TPST1: variants seen among roughly 807,000 people sequenced by gnomAD.
TPST1 encodes tyrosylprotein sulfotransferase 1.
In TPST1, 20 loss-of-function variants were observed where a neutral mutation model predicts 34.8. The observed-to-expected ratio is 0.57, with a 90% CI of 0.40 to 0.84. The LOEUF (loss-of-function observed/expected upper bound fraction) is 0.84. Among genes scored for constraint, TPST1 ranks in the 40% least tolerant of loss-of-function variants. The probability of loss-of-function intolerance (pLI) is 0.00; values close to 1 mark genes in which losing one functional copy is unlikely to be tolerated. For missense variants in TPST1, 353 were observed against 455.5 expected (o/e 0.78, Z 2.05); for synonymous variants, 152 against 159.4 (o/e 0.95, Z 0.35).
At chr7:66,352,637 T>C (rs895969407) in intron 4 of TPST1, 82 bp downstream of exon 4, 1 of 1,569,100 alleles carries the variant, frequency 6.4e-7, no homozygotes, top group African/African-American at 1.4e-5. Context: ...ATAATGAAAT[T>C]AAAAAGACAG....
chr7:66,252,063 T>G (rs915540898), intron 2 of TPST1, among the ~76,000 whole-genome samples: 5 of 152,182 alleles, frequency 3.3e-5, no homozygotes, highest in Admixed American at 2.6e-4. Flanking sequence ...CTTGTTTTTC[T>G]TTTTTGTTTT....
At chr7:66,238,025 T>C (rs758672925) in intron 1 of TPST1, among the ~76,000 whole-genome samples, 1 of 152,226 alleles carries the variant, frequency 6.6e-6, no homozygotes, top group African/African-American at 2.4e-5. Flanking sequence ...CTAACCTATA[T>C]GTCTGCATGT....
intron 1 of TPST1, among the ~76,000 whole-genome samples, chr7:66,227,028 C>CTTGTTTTTTTTTTTTT (rs1789670180): frequency 1.4e-5 from 1 of 69,200 alleles, no homozygotes; most frequent in African/African-American, 6.7e-5. Context: ...TTAAAATAAG[C>CTTGTTTTTTTTTTTTT]TTTTTTTTTT....
chr7:66,280,012 G>T (rs1790901314), intron 2 of TPST1, among the ~76,000 whole-genome samples: 1 of 152,218 alleles, frequency 6.6e-6, no homozygotes. Flanking sequence ...ACCAGCAGGT[G>T]CTCTGGACCT....
chr7:66,307,048 C>G (rs188802917), intron 3 of TPST1, among the ~76,000 whole-genome samples: 1 of 151,842 alleles, frequency 6.6e-6, no homozygotes, highest in African/African-American at 2.4e-5. Context: ...TTTGCTCAAA[C>G]TTTATAGTTG....
intron 2 of TPST1, among the ~76,000 whole-genome samples, chr7:66,261,953 G>C (rs1461299011): frequency 1.3e-5 from 2 of 152,174 alleles, no homozygotes; most frequent in Non-Finnish European, 2.9e-5. Context: ...ATTACTGCTA[G>C]TGTCCATGCC....
At chr7:66,256,739 T>A (rs572237639) in intron 2 of TPST1, among the ~76,000 whole-genome samples, 1 of 152,302 alleles carries the variant, frequency 6.6e-6, no homozygotes, top group African/African-American at 2.4e-5. Flanking sequence ...GGTAGGAATA[T>A]CAGGAGTTGG....
At chr7:66,238,397 A>G (rs1355208411) in intron 1 of TPST1, among the ~76,000 whole-genome samples, 2 of 148,466 alleles carry the variant, frequency 1.3e-5, no homozygotes, top group Non-Finnish European at 3.0e-5. Context: ...GCCTTTGTAT[A>G]ACAGCACTGG....
At chr7:66,355,098 C>T (rs565561185) in intron 4 of TPST1, among the ~76,000 whole-genome samples, 1 of 152,106 alleles carries the variant, frequency 6.6e-6, no homozygotes, top group South Asian at 2.1e-4. Flanking sequence ...ATATGAACTA[C>T]ATTATAATTG....
At chr7:66,202,865 G>C (rs1402529324), upstream of TPST1, among the ~76,000 whole-genome samples, 2 of 152,164 alleles carry the variant, frequency 1.3e-5, no homozygotes, top group African/African-American at 4.8e-5. Flanking sequence ...TCTGAGGTCA[G>C]GAGTTTGAGA....
intron 2 of TPST1, among the ~76,000 whole-genome samples, chr7:66,281,175 A>G (rs1790926353): frequency 6.6e-6 from 1 of 152,152 alleles, no homozygotes; most frequent in South Asian, 2.1e-4. Flanking sequence ...CCAGGGATAA[A>G]GCCTACTTGA....
At chr7:66,356,728 G>T (rs975405433) in intron 4 of TPST1, 97 bp from the exon 5 acceptor site, 1 of 1,414,962 alleles carries the variant, frequency 7.1e-7, no homozygotes, top group Non-Finnish European at 9.9e-7. Context: ...AAAGTGAACA[G>T]AGCCTGCGGG....
chr7:66,298,208 T>TA (rs928309019), intron 3 of TPST1, among the ~76,000 whole-genome samples: 5 of 152,232 alleles, frequency 3.3e-5, no homozygotes, highest in African/African-American at 4.8e-5. Context: ...ATAGTGTTGT[T>TA]ACAGTCTAAA....
intron 1 of TPST1, among the ~76,000 whole-genome samples, chr7:66,214,712 G>A (rs894958884): frequency 6.6e-6 from 1 of 150,954 alleles, no homozygotes; most frequent in Non-Finnish European, 1.5e-5. Flanking sequence ...AGCTGCTTGG[G>A]AGGCTGAGGC....
At chr7:66,256,448 G>C (rs1790384951) in intron 2 of TPST1, among the ~76,000 whole-genome samples, 1 of 152,176 alleles carries the variant, frequency 6.6e-6, no homozygotes, top group Non-Finnish European at 1.5e-5. Context: ...CTGCATCAGG[G>C]CTCGACTGGG....
chr7:66,199,294 C>CTTTTTTTT, the TPST1 span, among the ~76,000 whole-genome samples: 1 of 125,878 alleles, frequency 7.9e-6, no homozygotes, highest in African/African-American at 3.0e-5. Flanking sequence ...TCATCTCCTT[C>CTTTTTTTT]TTTTTTTTTT....
At chr7:66,236,453 A>C (rs1176888058) in intron 1 of TPST1, among the ~76,000 whole-genome samples, 1 of 152,152 alleles carries the variant, frequency 6.6e-6, no homozygotes, top group East Asian at 1.9e-4. Context: ...TATCTAAACA[A>C]CTTTAATGAA....
chr7:66,248,803 G>A (rs867344850), intron 2 of TPST1, among the ~76,000 whole-genome samples: 30 of 152,240 alleles, frequency 2.0e-4, no homozygotes, highest in African/African-American at 6.3e-4. Flanking sequence ...GTGAGCCACC[G>A]TGCCTGGCTC....
rs541271023 is a variant in TPST1 at position 66,250,931 on chromosome 7, G to A, written c.845+9661G>A. On this transcript the variant is annotated intron_variant, in intron 2 of 5. Coordinates refer to ENST00000304842, the MANE Select transcript of TPST1 (RefSeq NM_003596.4). ...CATTGCATGGACGTGTTGAACAAAG[G>A]GATGATTTACATCCCAGTCTAGACA... Among the ~76,000 whole-genome samples, 10 of 152,280 alleles carry A rather than the reference G, an allele frequency of 6.6e-5. No individual in the cohort carries two copies. In the East Asian group the frequency reaches 1.9e-3, roughly 29 times the overall value.
Sources: gnomAD v4.1 joint callset for allele counts (sites outside exome capture counted in the v4.1 genomes callset) on GRCh38, gnomAD v4.1.1 for gene constraint, MANE v1.5 for transcripts, NCBI Gene and HGNC (gene_info 2026-07-23, HGNC 2026-07-21) for gene names.